Variants in ENO4 observed in about 807,000 individuals in gnomAD.
The protein encoded by ENO4 is 2-phospho-D-glycerate hydro-lyase.
ENO4 carries 53 observed loss-of-function variants against 63.2 expected under a neutral mutation model. The observed-to-expected ratio is 0.84, with a 90% CI of 0.67 to 1.05. The LOEUF (loss-of-function observed/expected upper bound fraction) is 1.05. Ranked by LOEUF, ENO4 falls within the 50% of genes least tolerant of loss-of-function variation. The probability of loss-of-function intolerance (pLI) is 0.00; values close to 1 mark genes in which losing one functional copy is unlikely to be tolerated. For missense variants in ENO4, 719 were observed against 772.0 expected (o/e 0.93, Z 0.81); for synonymous variants, 266 against 283.8 (o/e 0.94, Z 0.63).
At chr10:116,861,423 C>G (rs889905541) in intron 6 of ENO4, among the ~76,000 whole-genome samples, 7 of 152,094 alleles carry the variant, frequency 4.6e-5, no homozygotes, top group Non-Finnish European at 1.0e-4. Flanking sequence ...TGTTGACTCA[C>G]AGACAAGCCA....
At chr10:116,910,117 T>A (rs1303756750) in intron 10 of ENO4, among the ~76,000 whole-genome samples, 8 of 152,158 alleles carry the variant, frequency 5.3e-5, no homozygotes, top group African/African-American at 1.9e-4. Flanking sequence ...CTTATAAGAA[T>A]GTGTGTGGTT....
chr10:116,895,098 G>A (rs985760394), intron 10 of ENO4, among the ~76,000 whole-genome samples: 5 of 152,126 alleles, frequency 3.3e-5, no homozygotes, highest in African/African-American at 1.2e-4. Flanking sequence ...ATAATAAAAT[G>A]TATTTGGTGC....
chr10:116,861,235 AAAT>A (rs373030615), intron 6 of ENO4, 45 bp downstream of exon 6: 10,821 of 354,362 alleles, frequency 0.031, 205 homozygotes, highest in African/African-American at 0.1. Context: ...AAAAAAAAAA[AAAT>A]ATATATATAT....
chr10:116,902,896 G>A (rs929702771), intron 10 of ENO4, among the ~76,000 whole-genome samples: 9 of 152,286 alleles, frequency 5.9e-5, no homozygotes, highest in Non-Finnish European at 1.0e-4. Flanking sequence ...GCACTAGTGG[G>A]TATAATCCAA....
At position 116,849,663 on chromosome 10, in the gene ENO4, C is replaced by T; in HGVS notation, c.97C>T (p.Pro33Ser). The T allele has an allele frequency of 1.3e-6, 2 of 1,550,164 alleles. No individual in the cohort carries two copies. The highest frequency in any genetic ancestry group is 8.7e-7 in the Non-Finnish European group (1 of 1,146,776). ...AMEYYRENDVPRRLEELLNST... is the reference protein window; with the variant it reads ...AMEYYRENDVSRRLEELLNST... ...GGAGTACTACCGGGAGAACGACGTT[C>T]CGCGCAGGCTGGAAGAGCTGCTCAA... The change falls in exon 1 of 14, where the codon CCG (proline) becomes TCG (serine). Residue 33 changes from proline (P) to serine (S), a missense_variant. Around this residue, in one of 3 missense-constraint regions of ENO4, gnomAD observed 544 missense variants for 583.6 expected, o/e 0.93. Transcript: ENST00000341276.
At chr10:116,887,145 A>C (rs1357447806), downstream of ENO4, among the ~76,000 whole-genome samples, 2 of 152,162 alleles carry the variant, frequency 1.3e-5, no homozygotes, top group East Asian at 3.9e-4. Context: ...GCGGAGAGAG[A>C]GCCAGAGTAG....
intron 10 of ENO4, among the ~76,000 whole-genome samples, chr10:116,892,815 T>G (rs888746016): frequency 3.9e-5 from 6 of 152,082 alleles, no homozygotes; most frequent in Non-Finnish European, 7.4e-5. Flanking sequence ...TCTATTTGAA[T>G]AAAAAAACCT....
downstream of ENO4, chr10:116,911,828 C>T: frequency 6.2e-7 from 1 of 1,612,366 alleles, no homozygotes; most frequent in Non-Finnish European, 8.5e-7. Context: ...CTTTCGCAGC[C>T]TTTCGAAGAT....
At chr10:116,883,626 G>A (rs1184416604), downstream of ENO4, 1 of 152,540 alleles carries the variant, frequency 6.6e-6, no homozygotes, top group Non-Finnish European at 1.5e-5. Flanking sequence ...CCAAAAACTG[G>A]TCTGGAAAGA....
chr10:116,851,021 T>C (rs1384758277), intron 1 of ENO4, among the ~76,000 whole-genome samples: 2 of 152,220 alleles, frequency 1.3e-5, no homozygotes, highest in African/African-American at 2.4e-5. Flanking sequence ...AGAGGAATTC[T>C]TGAACACAAT....
At chr10:116,896,843 T>C (rs1847539131) in intron 10 of ENO4, among the ~76,000 whole-genome samples, 2 of 149,620 alleles carry the variant, frequency 1.3e-5, no homozygotes, top group Non-Finnish European at 1.5e-5. Flanking sequence ...TCTCACTCTG[T>C]GGCCCAGGCT....
intron 6 of ENO4, 46 bp downstream of exon 6, chr10:116,861,236 A>AAAT (rs398014879): frequency 2.9e-3 from 485 of 167,850 alleles, no homozygotes; most frequent in East Asian, 4.3e-3. Context: ...AAAAAAAAAA[A>AAAT]ATATATATAT....
At chr10:116,903,184 T>A (rs1369476420) in intron 10 of ENO4, among the ~76,000 whole-genome samples, 3 of 152,334 alleles carry the variant, frequency 2.0e-5, no homozygotes, top group South Asian at 2.1e-4. Context: ...CCCATTTAAT[T>A]CACCTATACT....
downstream of ENO4, chr10:116,884,635 GA>G (rs1372309973): frequency 5.9e-6 from 1 of 168,142 alleles, no homozygotes; most frequent in African/African-American, 2.4e-5. Flanking sequence ...ACAGATGCAA[GA>G]AGGAAGACAG....
chr10:116,863,058 A>G (rs1018863960), intron 7 of ENO4, among the ~76,000 whole-genome samples: 17 of 152,290 alleles, frequency 1.1e-4, no homozygotes, highest in African/African-American at 4.1e-4. Flanking sequence ...TCTCATTTCA[A>G]TTTCTGGGGC....
chr10:116,869,411 C>T (rs9420216), intron 8 of ENO4, among the ~76,000 whole-genome samples: 3,085 of 152,132 alleles, frequency 0.02, 94 homozygotes, highest in African/African-American at 0.071. Context: ...GGTTTGTGAG[C>T]GAACAATCTT....
rs1846954585 is a variant in ENO4, at chr10:116,879,890, TTCA to T, written c.1631_1633del (p.Ile544del). 8 of 1,550,350 alleles carry T rather than the reference TTCA, an allele frequency of 5.2e-6. No individual in the cohort carries two copies. In the African/African-American group the frequency reaches 5.5e-5, roughly 11 times the overall value. ...TCAGGCTGTTGGGCTTGGTGTCCGG[TTCA>T]TCAAGTTGGGGGGTCTTTCCCGTGG... is the stretch of plus-strand genomic sequence containing the variant. On this transcript the variant is annotated inframe_deletion, in exon 13 of 14. Coordinates refer to ENST00000341276, the MANE Select transcript of ENO4 (RefSeq NM_001242699.2).
At chr10:116,912,334 T>C (rs923661705), downstream of ENO4, among the ~76,000 whole-genome samples, 1 of 152,162 alleles carries the variant, frequency 6.6e-6, no homozygotes. Context: ...TACAGGGGCC[T>C]GGCATGTAAG....
At chr10:116,886,159 G>A, downstream of ENO4, 2 of 781,108 alleles carry the variant, frequency 2.6e-6, no homozygotes, top group Non-Finnish European at 3.9e-6. Context: ...TACTAGGAAT[G>A]TGTGTTTTGC....
Sources: allele counts gnomAD v4.1 joint callset (sites outside exome capture counted in the v4.1 genomes callset), GRCh38; gene constraint gnomAD v4.1.1; regional missense constraint gnomAD v4.1.1; transcripts MANE v1.5; gene names NCBI Gene and HGNC (gene_info 2026-07-23, HGNC 2026-07-21).